The following VTI1A variants were observed in gnomAD, a reference collection of about 807,000 sequenced individuals.
VTI1A encodes vesicle transport through interaction with t-SNAREs homolog 1A.
In VTI1A, 22 loss-of-function variants were observed where a neutral mutation model predicts 34.9. That is an observed-to-expected ratio of 0.63 (90% CI 0.45 to 0.90). The LOEUF (loss-of-function observed/expected upper bound fraction) is 0.90. Among genes scored for constraint, VTI1A ranks in the 40% least tolerant of loss-of-function variants. The probability of loss-of-function intolerance (pLI) is 0.00; values close to 1 mark genes in which losing one functional copy is unlikely to be tolerated. For synonymous variants in VTI1A, 87 were observed against 97.3 expected (o/e 0.89, Z 0.62); for missense variants, 268 against 275.6 (o/e 0.97, Z 0.20).
Position 112,521,725 on chromosome 10 carries a change from T to A in VTI1A, c.265-5362T>A, listed in dbSNP as rs142440334. On this transcript the variant is annotated intron_variant, in intron 3 of 7. Coordinates refer to ENST00000393077, the MANE Select transcript of VTI1A (RefSeq NM_145206.4). Reference sequence around the variant, plus strand: ...GGATCAAACATATATCTAACAGTTTTCTTTACCTTTACCTAAGCCATGTAG... The same window carrying A: ...GGATCAAACATATATCTAACAGTTTACTTTACCTTTACCTAAGCCATGTAG... Among the ~76,000 whole-genome samples, 10 of 152,224 alleles carry A rather than the reference T, an allele frequency of 6.6e-5. No homozygotes were observed. In the East Asian group the frequency reaches 1.9e-3, roughly 29 times the overall value.
intron 2 of VTI1A, 133 bp from the exon 3 acceptor site, chr10:112,464,414 A>G: frequency 1.4e-6 from 1 of 699,808 alleles, no homozygotes; most frequent in South Asian, 1.9e-5. Flanking sequence ...GTGTTATTTG[A>G]TCATTCAGCA....
intron 1 of VTI1A, among the ~76,000 whole-genome samples, chr10:112,456,369 C>T (rs1027251686): frequency 6.8e-6 from 1 of 148,120 alleles, no homozygotes; most frequent in African/African-American, 2.5e-5. Context: ...TTGCCGTGAG[C>T]CAAGATTGCA....
At chr10:112,545,819 G>T (rs575201380) in intron 5 of VTI1A, among the ~76,000 whole-genome samples, 1 of 151,918 alleles carries the variant, frequency 6.6e-6, no homozygotes, top group Non-Finnish European at 1.5e-5. Context: ...ATTGAATCTC[G>T]TGTGTGTGTG....
At chr10:112,811,261 C>G (rs1409398516) in intron 7 of VTI1A, among the ~76,000 whole-genome samples, 1 of 152,132 alleles carries the variant, frequency 6.6e-6, no homozygotes, top group Non-Finnish European at 1.5e-5. Context: ...ACAGCCCCTC[C>G]CTCCCCAAAT....
At chr10:112,698,330 A>G (rs1848869150) in intron 7 of VTI1A, among the ~76,000 whole-genome samples, 1 of 152,128 alleles carries the variant, frequency 6.6e-6, no homozygotes, top group African/African-American at 2.4e-5. Flanking sequence ...CTCACTGTGT[A>G]TTCAGTGTGG....
At chr10:112,451,163 C>G (rs1430174791) in intron 1 of VTI1A, among the ~76,000 whole-genome samples, 1 of 152,170 alleles carries the variant, frequency 6.6e-6, no homozygotes, top group Admixed American at 6.5e-5. Flanking sequence ...CCTAGTTCTG[C>G]TACTTACTAG....
chr10:112,520,547 A>G (rs763489403), intron 3 of VTI1A, among the ~76,000 whole-genome samples: 1 of 151,762 alleles, frequency 6.6e-6, no homozygotes, highest in Non-Finnish European at 1.5e-5. Context: ...CCTAATATAA[A>G]TAAAAGTCTG....
intron 3 of VTI1A, among the ~76,000 whole-genome samples, chr10:112,500,732 A>G (rs1459988111): frequency 3.3e-5 from 5 of 152,152 alleles, no homozygotes; most frequent in African/African-American, 9.7e-5. Context: ...AAGGCCTCCT[A>G]TGATGGACCT....
chr10:112,834,526 C>A, the VTI1A span, among the ~76,000 whole-genome samples: 1 of 152,218 alleles, frequency 6.6e-6, no homozygotes, highest in African/African-American at 2.4e-5. Flanking sequence ...GTACAGCAGA[C>A]CCTCCGCCCA....
intron 7 of VTI1A, among the ~76,000 whole-genome samples, chr10:112,747,312 CT>C (rs1336140209): frequency 6.6e-6 from 1 of 152,212 alleles, no homozygotes; most frequent in African/African-American, 2.4e-5. Context: ...GGGATACGTT[CT>C]GAGAGTTCAT....
intron 5 of VTI1A, among the ~76,000 whole-genome samples, chr10:112,599,794 G>A (rs1419327065): frequency 6.6e-6 from 1 of 152,098 alleles, no homozygotes; most frequent in African/African-American, 2.4e-5. Context: ...TGCCCAGGTT[G>A]GTTTCAAACC....
At chr10:112,770,193 T>C (rs957849076) in intron 7 of VTI1A, among the ~76,000 whole-genome samples, 10 of 152,032 alleles carry the variant, frequency 6.6e-5, no homozygotes, top group African/African-American at 2.4e-4. Context: ...TATTCCACAG[T>C]TATTGAATTC....
chr10:112,650,090 C>G (rs1387581313), intron 5 of VTI1A, among the ~76,000 whole-genome samples: 1 of 152,210 alleles, frequency 6.6e-6, no homozygotes, highest in Non-Finnish European at 1.5e-5. Context: ...CTTGCTGTAA[C>G]TGTTTTACTT....
intron 7 of VTI1A, among the ~76,000 whole-genome samples, chr10:112,739,323 T>G (rs996890880): frequency 6.6e-6 from 1 of 152,208 alleles, no homozygotes; most frequent in African/African-American, 2.4e-5. Context: ...TTGCCCACAG[T>G]GAGGATGTCC....
At chr10:112,454,810 C>T (rs1230441845) in intron 1 of VTI1A, among the ~76,000 whole-genome samples, 1 of 151,774 alleles carries the variant, frequency 6.6e-6, no homozygotes, top group African/African-American at 2.4e-5. Flanking sequence ...ACAACAGACC[C>T]ACCCCATTAG....
chr10:112,844,773 A>AT, the VTI1A span, among the ~76,000 whole-genome samples: 107 of 152,334 alleles, frequency 7.0e-4, no homozygotes, highest in African/African-American at 2.3e-3. Flanking sequence ...GTTGAGAGAT[A>AT]TTCACCCTTT....
At chr10:112,847,323 A>G in the VTI1A span, among the ~76,000 whole-genome samples, 1 of 151,582 alleles carries the variant, frequency 6.6e-6, no homozygotes, top group Non-Finnish European at 1.5e-5. Context: ...ATTTCCCTTT[A>G]CCTTTTTCCC....
intron 1 of VTI1A, among the ~76,000 whole-genome samples, chr10:112,459,447 TC>T (rs1267332090): frequency 6.6e-6 from 1 of 152,138 alleles, no homozygotes; most frequent in African/African-American, 2.4e-5. Context: ...ACCGCCCAAC[TC>T]CCAGATGAAT....
intron 7 of VTI1A, chr10:112,736,654 A>G: frequency 2.6e-6 from 4 of 1,545,746 alleles, no homozygotes; most frequent in Non-Finnish European, 3.5e-6. Flanking sequence ...ACAAGTATAC[A>G]AACTAGTGCA....
Sources: allele counts gnomAD v4.1 joint callset (sites outside exome capture counted in the v4.1 genomes callset), GRCh38; gene constraint gnomAD v4.1.1; transcripts MANE v1.5; gene names NCBI Gene and HGNC (gene_info 2026-07-23, HGNC 2026-07-21).